Variants in GRAMD1B observed in about 807,000 individuals in gnomAD.
GRAMD1B encodes GRAM domain containing 1B, also known as protein Aster-B.
Under a neutral mutation model 99.7 loss-of-function variants are expected in GRAMD1B, and 37 were observed. The ratio of observed to expected loss-of-function variants is 0.37; its 90% CI spans 0.29 to 0.49. The LOEUF (loss-of-function observed/expected upper bound fraction) is 0.49. Ranked by LOEUF, GRAMD1B falls within the 20% of genes least tolerant of loss-of-function variation. The pLI is 0.98. For synonymous variants in GRAMD1B, 427 were observed against 387.6 expected (o/e 1.10, Z -1.19); for missense variants, 888 against 1,009.2 (o/e 0.88, Z 1.63).
chr11:123,548,366 A>ATATATATATATATATATATATG (rs1491464907), intron 2 of GRAMD1B, among the ~76,000 whole-genome samples: 4 of 69,184 alleles, frequency 5.8e-5, no homozygotes, highest in Admixed American at 3.2e-4. Context: ...ATATATATGT[A>ATATATATATATATATATATATG]CACACACACA....
intron 2 of GRAMD1B, among the ~76,000 whole-genome samples, chr11:123,553,349 A>T (rs1945815011): frequency 1.2e-5 from 1 of 82,922 alleles, no homozygotes; most frequent in African/African-American, 8.2e-5. Flanking sequence ...ACCCCTAGTA[A>T]GCTCTGTTCC....
intron 1 of GRAMD1B, among the ~76,000 whole-genome samples, chr11:123,434,074 A>G (rs1490974263): frequency 1.3e-5 from 2 of 151,990 alleles, no homozygotes; most frequent in Non-Finnish European, 2.9e-5. Flanking sequence ...TACTAAAAAT[A>G]CAAAAATTAG....
chr11:123,368,679 C>CAAAAAAAAAAAAA (rs58877377), intron 1 of GRAMD1B, among the ~76,000 whole-genome samples: 10 of 77,922 alleles, frequency 1.3e-4, no homozygotes, highest in Non-Finnish European at 1.8e-4. Context: ...GACTCTGTCT[C>CAAAAAAAAAAAAA]AAAAAAAAAA....
At position 123,419,746 on chromosome 11, in the gene GRAMD1B, T is replaced by TGA. The variant is rs1460799464; in HGVS notation, c.-176+60948_-176+60949dup. ...GTGTGTGTGTGTGTGTGTGTGTGTG[T>TGA]GAATGAGAAAGAGAAAGAGAGAGAG... On this transcript the variant is annotated intron_variant, in intron 1 of 20. Transcript: ENST00000638157. Among the ~76,000 whole-genome samples the TGA allele has an allele frequency of 5.9e-3, 796 of 134,804 alleles. 1 individual carries two copies. Among genetic ancestry groups the TGA allele is most frequent in the Non-Finnish European group, 7.8e-3 (486 of 62,008 alleles). 88.4% of individuals were successfully genotyped at this position (134,804 alleles called of 152,430 possible). A position where few individuals can be genotyped will look rare whatever the true frequency, so the allele number is the denominator to read the frequency against.
chr11:123,449,731 T>TTTTTTTTTTTTTA (rs1360753936), intron 1 of GRAMD1B, among the ~76,000 whole-genome samples: 5 of 149,340 alleles, frequency 3.3e-5, no homozygotes, highest in East Asian at 2.0e-4. Flanking sequence ...TTTTTTTTTT[T>TTTTTTTTTTTTTA]GAGACAGGGT....
At chr11:123,454,613 T>G (rs1166200223) in intron 1 of GRAMD1B, 2 of 152,228 alleles carry the variant, frequency 1.3e-5, no homozygotes, top group African/African-American at 4.8e-5. Context: ...CTGAATTTCC[T>G]ATAAAATGGC....
chr11:123,399,882 A>T (rs1335081846), intron 1 of GRAMD1B, among the ~76,000 whole-genome samples: 1 of 152,170 alleles, frequency 6.6e-6, no homozygotes, highest in Non-Finnish European at 1.5e-5. Context: ...TAACTCCCAA[A>T]GTGCTGGGAT....
chr11:123,501,735 C>G (rs1363523068), intron 2 of GRAMD1B, among the ~76,000 whole-genome samples: 1 of 152,208 alleles, frequency 6.6e-6, no homozygotes, highest in Non-Finnish European at 1.5e-5. Context: ...TCTGAATGAT[C>G]TAGTTAAAGA....
chr11:123,489,565 G>T (rs894373940), intron 2 of GRAMD1B, among the ~76,000 whole-genome samples: 5 of 152,156 alleles, frequency 3.3e-5, no homozygotes, highest in African/African-American at 1.2e-4. Flanking sequence ...GGTAAGAAAA[G>T]GACTAAAAAG....
At chr11:123,414,895 G>A (rs1012303400) in intron 1 of GRAMD1B, among the ~76,000 whole-genome samples, 6 of 152,062 alleles carry the variant, frequency 3.9e-5, no homozygotes, top group Non-Finnish European at 7.4e-5. Flanking sequence ...TAGAGCCTTG[G>A]GGTTTCGCCA....
At chr11:123,445,828 A>AC (rs1301052429) in intron 1 of GRAMD1B, among the ~76,000 whole-genome samples, 24 of 151,152 alleles carry the variant, frequency 1.6e-4, no homozygotes, top group Non-Finnish European at 3.5e-4. Context: ...CAAAAAAAAA[A>AC]AAAAAAAAAA....
chr11:123,462,822 A>G (rs934871288), intron 1 of GRAMD1B, among the ~76,000 whole-genome samples: 1 of 145,512 alleles, frequency 6.9e-6, no homozygotes, highest in Admixed American at 7.3e-5. Context: ...TCCCTCCACT[A>G]TTGTCCCATG....
intron 2 of GRAMD1B, among the ~76,000 whole-genome samples, chr11:123,569,258 G>A (rs1947785673): frequency 6.6e-6 from 1 of 152,164 alleles, no homozygotes; most frequent in Non-Finnish European, 1.5e-5. Context: ...CTGAGACCAG[G>A]AACTTCAGGG....
At chr11:123,438,712 C>T (rs1003932745) in intron 1 of GRAMD1B, among the ~76,000 whole-genome samples, 3 of 152,120 alleles carry the variant, frequency 2.0e-5, no homozygotes, top group Admixed American at 6.5e-5. Flanking sequence ...AGGTAAGGGG[C>T]TGGTATGAAC....
At chr11:123,465,352 T>C (rs767469977) in intron 1 of GRAMD1B, among the ~76,000 whole-genome samples, 30 of 152,248 alleles carry the variant, frequency 2.0e-4, no homozygotes, top group Non-Finnish European at 2.8e-4. Context: ...TACATTTTTC[T>C]GTAACAAGAC....
At chr11:123,608,897 T>C in intron 12 of GRAMD1B, 95 bp downstream of exon 12, 1 of 882,502 alleles carries the variant, frequency 1.1e-6, no homozygotes. Context: ...TATTCTTCTT[T>C]CCACACACCC....
chr11:123,534,522 T>C (rs1159703779), intron 2 of GRAMD1B, among the ~76,000 whole-genome samples: 1 of 152,036 alleles, frequency 6.6e-6, no homozygotes, highest in Non-Finnish European at 1.5e-5. Flanking sequence ...ATGAAGGAGA[T>C]GGGATGTGGG....
At chr11:123,429,293 C>T (rs578071862), upstream of GRAMD1B, among the ~76,000 whole-genome samples, 6 of 152,232 alleles carry the variant, frequency 3.9e-5, no homozygotes, top group Admixed American at 1.3e-4. This position sits in a 1 kb window ranked among gnomAD's most constrained non-coding sequence, Gnocchi z 4.0. Context: ...GCTCTAGGAG[C>T]TGGGCTGGGT....
intron 1 of GRAMD1B, among the ~76,000 whole-genome samples, chr11:123,476,404 T>A (rs1951278801): frequency 6.6e-6 from 1 of 152,194 alleles, no homozygotes; most frequent in Non-Finnish European, 1.5e-5. Flanking sequence ...CCCGGCCCAT[T>A]TAACTTCTTT....
Sources: gnomAD v4.1 joint callset for allele counts (sites outside exome capture counted in the v4.1 genomes callset) on GRCh38, gnomAD v4.1.1 for gene constraint, Gnocchi (gnomAD v3.1) non-coding constraint, MANE v1.5 for transcripts, NCBI Gene and HGNC (gene_info 2026-07-23, HGNC 2026-07-21) for gene names.